MTRFR: variants seen among roughly 807,000 people sequenced by gnomAD.
The protein encoded by MTRFR is probable peptide chain release factor C12orf65, mitochondrial.
MTRFR carries 10 observed loss-of-function variants against 11.9 expected under a neutral mutation model. The ratio of observed to expected loss-of-function variants is 0.84; its 90% confidence interval spans 0.52 to 1.42. The LOEUF (loss-of-function observed/expected upper bound fraction) is 1.42. Among genes scored for constraint, MTRFR ranks in the 40% most tolerant of loss-of-function variants. The pLI is 0.00. For missense variants in MTRFR, 196 were observed against 197.9 expected (o/e 0.99, Z 0.06); for synonymous variants, 77 against 79.1 (o/e 0.97, Z 0.14).
intron 1 of MTRFR, among the ~76,000 whole-genome samples, chr12:123,244,930 A>ATT (rs544105176): frequency 0.027 from 1,762 of 64,990 alleles, 194 homozygotes; most frequent in African/African-American, 0.096. Context: ...CGCACCCGGC[A>ATT]TTTTTTTTTT....
In MTRFR at chr12:123,256,915, A is replaced by C; in HGVS notation, c.385A>C (p.Lys129Gln). The C allele has an allele frequency of 6.2e-7, 1 of 1,613,930 alleles. No individual in the cohort carries two copies. The highest frequency in any genetic ancestry group is 8.5e-7 in the Non-Finnish European group (1 of 1,179,954). The change falls in exon 3 of 3, where the codon AAA becomes CAA. Residue 129 changes from lysine to glutamine, a missense_variant. Physicochemically the swap from Lys to Gln is moderately conservative, Grantham distance 53. Transcript: ENST00000253233. ...FYNGENSPVH[K>Q]EKREAAKKKQ... ...CAATGGTGAAAACAGTCCTGTTCAC[A>C]AAGAAAAACGAGAAGCGGCGAAGAA... is the stretch of plus-strand genomic sequence containing the variant.
intron 1 of MTRFR, among the ~76,000 whole-genome samples, chr12:123,242,422 A>C (rs1315734008): frequency 6.6e-6 from 1 of 152,038 alleles, no homozygotes; most frequent in Non-Finnish European, 1.5e-5. Flanking sequence ...AGCTGCTTTT[A>C]TTGTTCCCTA....
chr12:123,243,577 T>C (rs544214697), intron 1 of MTRFR, among the ~76,000 whole-genome samples: 189 of 150,298 alleles, frequency 1.3e-3, no homozygotes, highest in African/African-American at 4.1e-3. Context: ...TGGTGGCACG[T>C]GCCTGTAGTC....
At chr12:123,235,667 C>T (rs897595210) in intron 1 of MTRFR, among the ~76,000 whole-genome samples, 2 of 151,696 alleles carry the variant, frequency 1.3e-5, no homozygotes, top group Admixed American at 1.3e-4. Context: ...CCACCGCGCT[C>T]GGCCTGGTAG....
chr12:123,251,842 C>T (rs537273690), intron 1 of MTRFR, among the ~76,000 whole-genome samples: 1 of 152,332 alleles, frequency 6.6e-6, no homozygotes, highest in African/African-American at 2.4e-5. Context: ...CTAGTCCTGC[C>T]TCCTGTCTGC....
At chr12:123,249,994 T>C (rs2048094188) in intron 1 of MTRFR, 4 of 152,210 alleles carry the variant, frequency 2.6e-5, no homozygotes, top group Admixed American at 2.6e-4. Flanking sequence ...AGATTTCTCT[T>C]CTTCCTCAGG....
rs552684339 is a variant in MTRFR at position 123,233,455 on chromosome 12, C to A, written c.-105C>A. ...TACGGCGCGTGCGCAGATCAGGGAT[C>A]GCGATTGCGAATCCTCCGCTGAGGT... On this transcript the variant is annotated 5_prime_UTR_variant, in exon 1 of 3. Coordinates refer to ENST00000253233, the MANE Select transcript of MTRFR (RefSeq NM_152269.5). The A allele has an allele frequency of 3.9e-5, 6 of 152,412 alleles. No individual in the cohort carries two copies. The highest frequency in any genetic ancestry group is 1.2e-4 in the African/African-American group (5 of 41,588). The allele number at this position is 152,412 out of a possible 1,614,324, so 9.4% of individuals were successfully genotyped here.
At chr12:123,249,096 T>A (rs1048909663) in intron 1 of MTRFR, 7 of 152,212 alleles carry the variant, frequency 4.6e-5, no homozygotes, top group African/African-American at 1.4e-4. Flanking sequence ...CATAGAGCAC[T>A]GATTGGTGCA....
chr12:123,235,420 G>A (rs565071879), intron 1 of MTRFR, among the ~76,000 whole-genome samples: 5 of 152,134 alleles, frequency 3.3e-5, no homozygotes, highest in Non-Finnish European at 5.9e-5. Flanking sequence ...GTGTGTGTGT[G>A]TGTGACAGAG....
At position 123,246,709 on chromosome 12, in the gene MTRFR, ATTTTTTTTTTTTTTTTTTTTT is replaced by A. The variant is rs1157677577; in HGVS notation, c.-28-6919_-28-6899del. Reference sequence around the variant, plus strand: ...TGAGAGAGTGCTTGATATAATTTCAATTTTTTTTTTTTTTTTTTTTTTTTTTTTTTTTTTTTTTTGAGATGG... The same window carrying A: ...TGAGAGAGTGCTTGATATAATTTCAATTTTTTTTTTTTTTTTTTGAGATGG... On this transcript the variant is annotated intron_variant, in intron 1 of 2. Transcript: ENST00000253233. 7.7e-4 allele frequency among the ~76,000 whole-genome samples: 41 copies of A among 53,516 alleles called. No individual in the cohort carries two copies. In the South Asian group the frequency reaches 0.01, roughly 13 times the overall value. 35.1% of individuals were successfully genotyped at this position (53,516 alleles called of 152,430 possible). A position where few individuals can be genotyped will look rare whatever the true frequency, so the allele number is the denominator to read the frequency against.
At chr12:123,245,611 A>G (rs2048028114) in intron 1 of MTRFR, among the ~76,000 whole-genome samples, 1 of 152,044 alleles carries the variant, frequency 6.6e-6, no homozygotes, top group Admixed American at 6.6e-5. Flanking sequence ...TGTGTTAGGT[A>G]TATTCCTAAG....
At chr12:123,237,017 G>A (rs938701137) in intron 1 of MTRFR, among the ~76,000 whole-genome samples, 2 of 152,030 alleles carry the variant, frequency 1.3e-5, no homozygotes, top group South Asian at 2.1e-4. Flanking sequence ...TCTGGAAGGC[G>A]GAGGTTGCAG....
intron 1 of MTRFR, among the ~76,000 whole-genome samples, chr12:123,247,754 G>A (rs2048062768): frequency 6.6e-6 from 1 of 152,138 alleles, no homozygotes; most frequent in South Asian, 2.1e-4. Flanking sequence ...GACCATCCTG[G>A]CTAACACAGT....
chr12:123,256,684 G>A (rs1423198829), intron 2 of MTRFR, 129 bp from the exon 3 acceptor site: 6 of 792,020 alleles, frequency 7.6e-6, no homozygotes, highest in Admixed American at 2.4e-5. Flanking sequence ...TGACAAGAAC[G>A]AAACTCTGTC....
chr12:123,236,283 A>C (rs2047848958), intron 1 of MTRFR, among the ~76,000 whole-genome samples: 1 of 152,118 alleles, frequency 6.6e-6, no homozygotes, highest in South Asian at 2.1e-4. Context: ...TTTGTATTAA[A>C]TACAATAATG....
At chr12:123,239,695 C>T (rs2047901362) in intron 1 of MTRFR, among the ~76,000 whole-genome samples, 1 of 152,182 alleles carries the variant, frequency 6.6e-6, no homozygotes, top group Non-Finnish European at 1.5e-5. Flanking sequence ...AGCTACCGCG[C>T]CCAGCCCAGT....
At chr12:123,235,531 ATT>A (rs538804885) in intron 1 of MTRFR, among the ~76,000 whole-genome samples, 1 of 141,300 alleles carries the variant, frequency 7.1e-6, no homozygotes, top group African/African-American at 2.6e-5. Context: ...GGCCCAGCTA[ATT>A]TTTTTTTTTT....
At chr12:123,238,543 G>A (rs2047885804) in intron 1 of MTRFR, among the ~76,000 whole-genome samples, 1 of 152,148 alleles carries the variant, frequency 6.6e-6, no homozygotes, top group African/African-American at 2.4e-5. Context: ...GACCGAGGCA[G>A]GCAGATTGCT....
intron 1 of MTRFR, chr12:123,252,407 G>C (rs2048124183): frequency 6.7e-6 from 1 of 149,654 alleles, no homozygotes; most frequent in African/African-American, 2.4e-5. Flanking sequence ...AGTCCAGCCT[G>C]GGCGACAGAG....
Sources: allele counts gnomAD v4.1 joint callset (sites outside exome capture counted in the v4.1 genomes callset), GRCh38; gene constraint gnomAD v4.1.1; transcripts MANE v1.5; gene names NCBI Gene and HGNC (gene_info 2026-07-23, HGNC 2026-07-21).